The following ZEB1 variants were observed in gnomAD, a reference collection of about 807,000 sequenced individuals.
ZEB1 encodes zinc finger E-box binding homeobox 1, also known as zinc finger E-box-binding homeobox 1.
In ZEB1, 21 loss-of-function variants were observed where a neutral mutation model predicts 84.9. The observed-to-expected ratio is 0.25, with a 90% CI of 0.18 to 0.36. The LOEUF is 0.36. ZEB1 is among the 10% of genes least tolerant of loss of function. The pLI is 1.00. For missense variants in ZEB1, 1,104 were observed against 1,330.2 expected, an observed-to-expected ratio of 0.83 and a Z score of 2.65; for synonymous variants, 420 against 471.1, an observed-to-expected ratio of 0.89 and a Z score of 1.41.
chr10:31,461,275 G>T (rs1290163796), intron 2 of ZEB1, 38 bp downstream of exon 2: 1 of 1,553,924 alleles, frequency 6.4e-7, no homozygotes, highest in South Asian at 1.2e-5. Context: ...GTATTCTCAT[G>T]ATTCGTTTTT....
chr10:31,460,488 T>C (rs971001766), intron 1 of ZEB1, among the ~76,000 whole-genome samples: 3 of 152,264 alleles, frequency 2.0e-5, no homozygotes, highest in Non-Finnish European at 2.9e-5. Context: ...TTAGGAAAGA[T>C]GGCCTCTTTT....
At position 31,521,267 on chromosome 10, in the gene ZEB1, A is replaced by G. The variant is rs758728813; in HGVS notation, c.1935A>G (p.Pro645=). 14 of 1,614,100 alleles carry G rather than the reference A, an allele frequency of 8.7e-6. No individual in the cohort carries two copies. Among genetic ancestry groups the G allele is most frequent in the Admixed American group, 8.3e-5 (5 of 60,002 alleles). ...AGQISVQSSE[P]SSPEPGKVNI... ...AGATTTCAGTGCAGTCTTCTGAACC[A>G]TCTTCTCCTGAACCAGGCAAAGTAA... Residue 645 remains proline (P), a synonymous_variant, in exon 7 of 9, where the codon CCA becomes CCG. Transcript: ENST00000424869.
chr10:31,510,299 T>C lies in ZEB1; in HGVS notation c.485-374T>C, dbSNP rs146364326. 1.8e-3 allele frequency among the ~76,000 whole-genome samples: 280 copies of C among 152,322 alleles called. 3 individuals carry two copies. Among genetic ancestry groups the C allele is most frequent in the Admixed American group, 3.8e-3 (58 of 15,302 alleles). On this transcript the variant is annotated intron_variant, in intron 4 of 8. Coordinates refer to ENST00000424869, the MANE Select transcript of ZEB1 (RefSeq NM_001174096.2). The stretch of plus-strand genomic sequence containing the variant: ...CTGTTGTAGAGCACAAAATTCCCCT[T>C]TAATCTGTATACACTTACAAAGACA...
intron 2 of ZEB1, among the ~76,000 whole-genome samples, chr10:31,471,859 A>C (rs548994409): frequency 1.4e-5 from 2 of 146,338 alleles, no homozygotes; most frequent in African/African-American, 5.5e-5. Flanking sequence ...GTAACAAACT[A>C]TCTCTCAGAC....
chr10:31,506,843 A>G (rs2069064943), intron 4 of ZEB1, among the ~76,000 whole-genome samples: 1 of 151,728 alleles, frequency 6.6e-6, no homozygotes, highest in Non-Finnish European at 1.5e-5. Flanking sequence ...TTTCTTACTG[A>G]TTATTATTGT....
At chr10:31,480,214 A>C (rs908628357) in intron 2 of ZEB1, among the ~76,000 whole-genome samples, 15 of 152,068 alleles carry the variant, frequency 9.9e-5, no homozygotes, top group African/African-American at 3.6e-4. Context: ...GCTCTCTAGA[A>C]ATTGACATGT....
chr10:31,397,007 T>TTTATTA (rs1161058902), intron 1 of ZEB1, among the ~76,000 whole-genome samples: 1 of 150,084 alleles, frequency 6.7e-6, no homozygotes, highest in Admixed American at 6.6e-5. Flanking sequence ...TTTTTTATTT[T>TTTATTA]TTATTATTAT....
chr10:31,347,144 G>A (rs190389079), intron 1 of ZEB1, among the ~76,000 whole-genome samples: 1 of 152,180 alleles, frequency 6.6e-6, no homozygotes, highest in Non-Finnish European at 1.5e-5. Flanking sequence ...ATCGAGGCAG[G>A]TTTTTCTTCC....
intron 1 of ZEB1, among the ~76,000 whole-genome samples, chr10:31,458,964 C>T (rs887989991): frequency 2.6e-5 from 4 of 151,962 alleles, no homozygotes; most frequent in Non-Finnish European, 5.9e-5. Flanking sequence ...ACTGTGAAAT[C>T]GAAAATGCAT....
chr10:31,350,614 T>A lies in ZEB1; in HGVS notation c.58+31322T>A, dbSNP rs34719513. Among the ~76,000 whole-genome samples, 278 of 152,302 alleles carry A rather than the reference T, an allele frequency of 1.8e-3. 1 individual carries two copies. The highest frequency in any genetic ancestry group is 2.7e-3 in the Non-Finnish European group (186 of 67,992). On this transcript the variant is annotated intron_variant, in intron 1 of 8. Transcript: ENST00000424869. ...GTTATCAGTTGAACACAAATAGTAATAATTTAAGGTTTCATGAATTGACAT... is the reference window on the plus strand; with the variant it reads ...GTTATCAGTTGAACACAAATAGTAAAAATTTAAGGTTTCATGAATTGACAT...
At chr10:31,438,730 C>G (rs1283429747) in intron 1 of ZEB1, among the ~76,000 whole-genome samples, 2 of 152,180 alleles carry the variant, frequency 1.3e-5, no homozygotes, top group Non-Finnish European at 2.9e-5. Flanking sequence ...TTAGTCCCAG[C>G]TACTTGACAG....
chr10:31,479,261 C>A (rs78140175), intron 2 of ZEB1, among the ~76,000 whole-genome samples: 5,035 of 151,878 alleles, frequency 0.033, 261 homozygotes, highest in African/African-American at 0.11. Context: ...CCAACAAAGA[C>A]AAGTCAAGAT....
intron 1 of ZEB1, among the ~76,000 whole-genome samples, chr10:31,323,179 G>C (rs776998827): frequency 5.3e-5 from 8 of 151,970 alleles, no homozygotes; most frequent in Non-Finnish European, 7.4e-5. Context: ...TTTGTTTTAT[G>C]TTCTTAGGTT....
chr10:31,492,786 T>G (rs2066711724), intron 2 of ZEB1, among the ~76,000 whole-genome samples: 1 of 151,956 alleles, frequency 6.6e-6, no homozygotes. Flanking sequence ...ATAGTAAGTC[T>G]TCTGGATTTT....
Position 31,446,229 on chromosome 10 carries a change from G to A in ZEB1, c.59-14808G>A, listed in dbSNP as rs566378343. 9.9e-5 allele frequency among the ~76,000 whole-genome samples: 15 copies of A among 152,226 alleles called. No individual in the cohort carries two copies. The East Asian group carries it at 2.1e-3, about 22-fold the overall frequency. ...AGAGCTGTTTGTAGTATTCTCTGAT[G>A]GTAGTTTGTATTTCTGTGGGATCGG... On this transcript the variant is annotated intron_variant, in intron 1 of 8. Transcript: ENST00000424869.
Position 31,527,412 on chromosome 10 carries a change from A to AAAAC in ZEB1, c.*149_*150insAACA, listed in dbSNP as rs2073698332. The AAAAC allele has an allele frequency of 7.8e-6, 4 of 515,644 alleles. No individual in the cohort carries two copies. In the Admixed American group the frequency reaches 1.2e-4, roughly 16 times the overall value. 31.9% of individuals were successfully genotyped at this position (515,644 alleles called of 1,614,324 possible). A position where few individuals can be genotyped will look rare whatever the true frequency, so the allele number is the denominator to read the frequency against. On this transcript the variant is annotated 3_prime_UTR_variant, in exon 9 of 9. Transcript: ENST00000424869. ...AAAACTAAAAAAATACAAAATACAA[A>AAAAC]ACACACACACACACACACACACACA...
At chr10:31,474,682 A>G (rs925394444) in intron 2 of ZEB1, among the ~76,000 whole-genome samples, 3 of 152,140 alleles carry the variant, frequency 2.0e-5, no homozygotes, top group African/African-American at 7.2e-5. Flanking sequence ...AACTAGAAAT[A>G]CCATTTGACC....
intron 1 of ZEB1, among the ~76,000 whole-genome samples, chr10:31,434,074 T>C (rs1232921569): frequency 6.6e-6 from 1 of 152,240 alleles, no homozygotes; most frequent in Admixed American, 6.5e-5. Flanking sequence ...AGGAAAGCAA[T>C]TAGCATGTTA....
intron 1 of ZEB1, among the ~76,000 whole-genome samples, chr10:31,337,072 TGTA>T (rs941897088): frequency 3.9e-5 from 6 of 152,258 alleles, no homozygotes; most frequent in Admixed American, 1.3e-4. Flanking sequence ...ATAAGTAAAT[TGTA>T]GTATATTTAT....
Sources: gnomAD v4.1 joint callset for allele counts (sites outside exome capture counted in the v4.1 genomes callset) on GRCh38, gnomAD v4.1.1 for gene constraint, MANE v1.5 for transcripts, NCBI Gene and HGNC (gene_info 2026-07-23, HGNC 2026-07-21) for gene names.